Variants in EPB41L4A observed in about 807,000 individuals in gnomAD.
EPB41L4A encodes band 4.1-like protein 4A.
Under a neutral mutation model 108.6 loss-of-function variants are expected in EPB41L4A, and 100 were observed. The ratio of observed to expected loss-of-function variants is 0.92; its 90% CI spans 0.78 to 1.09. The LOEUF (loss-of-function observed/expected upper bound fraction) is 1.09, where lower values mean the gene tolerates loss of function less well. Among genes scored for constraint, EPB41L4A ranks in the 50% least tolerant of loss-of-function variants. The pLI is 0.00. For synonymous variants in EPB41L4A, 319 were observed against 289.0 expected (o/e 1.10, Z -1.05); for missense variants, 1,030 against 842.7 (o/e 1.22, Z -2.75).
At chr5:112,210,238 T>C (rs1369142983) in intron 12 of EPB41L4A, 1 of 283,404 alleles carries the variant, frequency 3.5e-6, no homozygotes, top group Non-Finnish European at 6.5e-6. Flanking sequence ...AGTCTCCACA[T>C]CTTTAGATGT....
At chr5:112,228,513 G>C (rs1748633795) in intron 12 of EPB41L4A, among the ~76,000 whole-genome samples, 1 of 152,216 alleles carries the variant, frequency 6.6e-6, no homozygotes, top group Admixed American at 6.5e-5. Flanking sequence ...AGATTATGCT[G>C]CAAGTATTTG....
intron 1 of EPB41L4A, among the ~76,000 whole-genome samples, chr5:112,403,912 C>T (rs1261885596): frequency 1.3e-5 from 2 of 152,126 alleles, no homozygotes. Context: ...TCAGCTACGA[C>T]CTCCAAAAAT....
chr5:112,247,375 C>T (rs1268632846), intron 9 of EPB41L4A, among the ~76,000 whole-genome samples: 1 of 152,104 alleles, frequency 6.6e-6, no homozygotes, highest in Non-Finnish European at 1.5e-5. Context: ...AAAGATCAGA[C>T]CAGGACAGGC....
At chr5:112,269,842 T>C (rs1333377964) in intron 4 of EPB41L4A, among the ~76,000 whole-genome samples, 2 of 152,188 alleles carry the variant, frequency 1.3e-5, no homozygotes, top group Non-Finnish European at 2.9e-5. Context: ...GTTACCTCCT[T>C]ATGTAAACTA....
At chr5:112,202,617 T>C (rs557685181) in intron 15 of EPB41L4A, among the ~76,000 whole-genome samples, 1 of 152,260 alleles carries the variant, frequency 6.6e-6, no homozygotes, top group East Asian at 1.9e-4. Flanking sequence ...TGTCTAATCA[T>C]TGTTGGACCT....
rs772716070 is a variant in EPB41L4A at position 112,262,508 on chromosome 5, G to A, written c.628C>T (p.Leu210Phe). The change falls in exon 7 of 23, where the codon CTC (leucine) becomes TTC (phenylalanine). Residue 210 changes from leucine to phenylalanine, a missense_variant. Coordinates refer to ENST00000261486, the MANE Select transcript of EPB41L4A (RefSeq NM_022140.5). ...ATGTTACTCACATAGACGGGATGGA[G>A]GTCAACGCCATACATCTCCAGGGAT... ...AKSLEMYGVD[L>F]HPVYGENKSE... 4 of 1,613,676 alleles carry A rather than the reference G, an allele frequency of 2.5e-6. No homozygotes were observed. The highest frequency in any genetic ancestry group is 3.4e-6 in the Non-Finnish European group (4 of 1,179,650).
intron 1 of EPB41L4A, among the ~76,000 whole-genome samples, chr5:112,413,825 C>T (rs1258020052): frequency 6.6e-6 from 1 of 152,146 alleles, no homozygotes; most frequent in African/African-American, 2.4e-5. Flanking sequence ...TTCTGCATAC[C>T]TAGAGGGCAA....
chr5:112,147,950 A>G (rs1759324591), intron 12 of EPB41L4A, among the ~76,000 whole-genome samples: 1 of 151,684 alleles, frequency 6.6e-6, no homozygotes, highest in Non-Finnish European at 1.5e-5. Flanking sequence ...GAGGCAGGAG[A>G]ATTGCATGAA....
intron 12 of EPB41L4A, among the ~76,000 whole-genome samples, chr5:112,146,540 T>C (rs138062495): frequency 1.3e-5 from 2 of 152,346 alleles, no homozygotes; most frequent in East Asian, 3.9e-4. Context: ...AAAAATATCC[T>C]TGGCAATGTG....
At chr5:112,258,838 G>C (rs1751294758) in intron 9 of EPB41L4A, among the ~76,000 whole-genome samples, 1 of 152,146 alleles carries the variant, frequency 6.6e-6, no homozygotes, top group African/African-American at 2.4e-5. Context: ...CCAAAAGGTT[G>C]TTTAATTTAC....
Position 112,211,270 on chromosome 5 carries a change from C to G in EPB41L4A, c.1088-1288G>C, listed in dbSNP as rs574471733. Among the ~76,000 whole-genome samples, 29 of 152,162 alleles carry G rather than the reference C, an allele frequency of 1.9e-4. No individual in the cohort carries two copies. In the South Asian group the frequency reaches 5.0e-3, roughly 26 times the overall value. ...AGAGTCAGTCTAGATTAGGAGTCAA[C>G]TGGGAGAGACAGACTCTTAAAAGGG... On this transcript the variant is annotated intron_variant, in intron 12 of 22. Coordinates refer to ENST00000261486, the MANE Select transcript of EPB41L4A (RefSeq NM_022140.5).
chr5:112,222,802 T>C (rs1419411623), intron 12 of EPB41L4A, among the ~76,000 whole-genome samples: 1 of 152,108 alleles, frequency 6.6e-6, no homozygotes, highest in African/African-American at 2.4e-5. Context: ...GCCCCATTCT[T>C]ACCCCAGGAG....
chr5:112,161,501 A>G (rs1292867944), downstream of EPB41L4A: 3 of 519,022 alleles, frequency 5.8e-6, no homozygotes, highest in East Asian at 5.4e-5. Context: ...TGTGTTGCCC[A>G]TTCACTTTGG....
At chr5:112,419,541 G>C (rs538395425), upstream of EPB41L4A, 176 of 426,078 alleles carry the variant, frequency 4.1e-4, no homozygotes, top group Non-Finnish European at 7.3e-4. Flanking sequence ...AGTCCCCCGC[G>C]GGCGCGCACT....
chr5:112,281,297 G>C lies in EPB41L4A; in HGVS notation c.205-974C>G, dbSNP rs183202608. Among the ~76,000 whole-genome samples the C allele has an allele frequency of 8.1e-3, 1,233 of 152,284 alleles. 18 individuals are homozygous for C. Among genetic ancestry groups the C allele is most frequent in the African/African-American group, 0.028 (1,169 of 41,554 alleles). On this transcript the variant is annotated intron_variant, in intron 2 of 22. Coordinates refer to ENST00000261486, the MANE Select transcript of EPB41L4A (RefSeq NM_022140.5). ...ATTTCAAGTGGTGGCAGGAGAATTC[G>C]GGGTCCTGGGGAGAGGCCTTCCTTT...
chr5:112,338,971 C>T (rs1407313140), intron 1 of EPB41L4A, among the ~76,000 whole-genome samples: 3 of 152,086 alleles, frequency 2.0e-5, no homozygotes, highest in African/African-American at 4.8e-5. Flanking sequence ...ACCATTTTGG[C>T]GCCTTACCTA....
chr5:112,236,216 C>G (rs756436992), intron 11 of EPB41L4A, among the ~76,000 whole-genome samples: 41 of 152,140 alleles, frequency 2.7e-4, no homozygotes, highest in Non-Finnish European at 4.1e-4. Flanking sequence ...AAATCATATC[C>G]TAAGATTAAT....
At chr5:112,184,329 T>C (rs1276569773) in intron 17 of EPB41L4A, among the ~76,000 whole-genome samples, 194 bp from the exon 18 acceptor site, 1 of 152,226 alleles carries the variant, frequency 6.6e-6, no homozygotes, top group East Asian at 1.9e-4. Flanking sequence ...AAGTAAATAA[T>C]ACTCATGATA....
At chr5:112,209,821 C>A in intron 13 of EPB41L4A, 71 bp downstream of exon 13, 2 of 878,916 alleles carry the variant, frequency 2.3e-6, no homozygotes, top group South Asian at 1.6e-5. Context: ...AGATTTTTAA[C>A]CTTGTCTACA....
Sources: gnomAD v4.1 joint callset for allele counts (sites outside exome capture counted in the v4.1 genomes callset) on GRCh38, gnomAD v4.1.1 for gene constraint, MANE v1.5 for transcripts, NCBI Gene and HGNC (gene_info 2026-07-23, HGNC 2026-07-21) for gene names.